Variants in KCNC2 observed in about 807,000 individuals in gnomAD.
KCNC2 encodes potassium voltage-gated channel subfamily C member 2.
KCNC2 carries 21 observed loss-of-function variants against 44.5 expected under a neutral mutation model. The ratio of observed to expected loss-of-function variants is 0.47; its 90% CI spans 0.33 to 0.68. The LOEUF (loss-of-function observed/expected upper bound fraction) is 0.68, where lower values mean the gene tolerates loss of function less well. Among genes scored for constraint, KCNC2 ranks in the 30% least tolerant of loss-of-function variants. The pLI, the probability that KCNC2 is intolerant of heterozygous loss-of-function variation, is 0.01. For missense variants in KCNC2, 589 were observed against 826.2 expected, an observed-to-expected ratio of 0.71 and a Z score of 3.52; for synonymous variants, 391 against 339.1, an observed-to-expected ratio of 1.15 and a Z score of -1.68.
intron 2 of KCNC2, among the ~76,000 whole-genome samples, chr12:75,080,979 A>G (rs1334239779): frequency 6.6e-6 from 1 of 152,114 alleles, no homozygotes; most frequent in South Asian, 2.1e-4. Flanking sequence ...TGGCTTCTTA[A>G]TCTTCTCATC....
chr12:75,060,384 AC>A (rs1882189687), intron 2 of KCNC2, among the ~76,000 whole-genome samples: 2 of 152,078 alleles, frequency 1.3e-5, no homozygotes, highest in Non-Finnish European at 2.9e-5. Flanking sequence ...TTTTAGGGGA[AC>A]AAATGTGATT....
At chr12:75,145,748 T>C (rs1414337046) in intron 2 of KCNC2, among the ~76,000 whole-genome samples, 1 of 152,044 alleles carries the variant, frequency 6.6e-6, no homozygotes, top group Non-Finnish European at 1.5e-5. Context: ...TGTACTAAGA[T>C]TTTTTGGGTA....
chr12:75,086,681 A>AAAAAATATATATATATATAT (rs1206456289), intron 2 of KCNC2, among the ~76,000 whole-genome samples: 3 of 54,206 alleles, frequency 5.5e-5, no homozygotes, highest in Admixed American at 2.1e-4. Context: ...AAAAAAAAAA[A>AAAAAATATATATATATATAT]ATATATATAT....
chr12:75,187,560 G>T (rs1460954045), intron 2 of KCNC2, among the ~76,000 whole-genome samples: 1 of 152,168 alleles, frequency 6.6e-6, no homozygotes, highest in African/African-American at 2.4e-5. Flanking sequence ...GCACTGCTAG[G>T]GAGGAGAATT....
At chr12:75,130,320 T>C (rs774746014) in intron 2 of KCNC2, among the ~76,000 whole-genome samples, 8 of 152,206 alleles carry the variant, frequency 5.3e-5, no homozygotes, top group Non-Finnish European at 1.0e-4. Flanking sequence ...ATTATAACAT[T>C]TATAATGGCA....
intron 2 of KCNC2, among the ~76,000 whole-genome samples, chr12:75,068,472 G>A (rs1481256426): frequency 6.6e-6 from 1 of 152,168 alleles, no homozygotes; most frequent in Non-Finnish European, 1.5e-5. Context: ...AACAGACACT[G>A]TGTGTGGCTA....
chr12:75,166,656 C>A (rs550722074), intron 2 of KCNC2, among the ~76,000 whole-genome samples: 3 of 151,102 alleles, frequency 2.0e-5, no homozygotes, highest in Non-Finnish European at 4.5e-5. Context: ...ACAATAGAGG[C>A]AAATTGGAAG....
At position 75,040,701 on chromosome 12, in the gene KCNC2, T is replaced by C. The variant is rs184982877; in HGVS notation, c.*2404A>G. 1 of 165,062 alleles carries C rather than the reference T, an allele frequency of 6.1e-6. No individual in the cohort carries two copies. The highest frequency in any genetic ancestry group is 1.3e-5 in the Non-Finnish European group (1 of 75,134). 10.2% of individuals were successfully genotyped at this position (165,062 alleles called of 1,614,324 possible). A position where few individuals can be genotyped will look rare whatever the true frequency, so the allele number is the denominator to read the frequency against. The stretch of plus-strand genomic sequence containing the variant: ...ATTGACAAGCTGATTACATCAGTAA[T>C]TTATAAGAAAATTATACAATCAAGT... On this transcript the variant is annotated 3_prime_UTR_variant, in exon 5 of 5. Transcript: ENST00000549446.
intron 3 of KCNC2, among the ~76,000 whole-genome samples, chr12:75,048,678 T>C (rs186675049): frequency 1.2e-3 from 185 of 152,292 alleles, no homozygotes; most frequent in Admixed American, 2.6e-3. Context: ...ATAGGAATAT[T>C]TAAAAATGGA....
chr12:75,144,607 T>C lies in KCNC2; in HGVS notation c.687+62690A>G, dbSNP rs562897148. Among the ~76,000 whole-genome samples the C allele has an allele frequency of 9.6e-5, 14 of 146,364 alleles. No individual in the cohort carries two copies. The South Asian group carries it at 2.2e-3, about 23-fold the overall frequency. On this transcript the variant is annotated intron_variant, in intron 2 of 4. Coordinates refer to ENST00000549446, the MANE Select transcript of KCNC2 (RefSeq NM_139137.4). ...ATATATATATACACATTTTTGTGTA[T>C]GTGGGTGTACTTTTGTGTGTGTGTG...
At chr12:75,064,200 C>A (rs141037796) in intron 2 of KCNC2, among the ~76,000 whole-genome samples, 1 of 152,102 alleles carries the variant, frequency 6.6e-6, no homozygotes, top group Middle Eastern at 3.4e-3. Flanking sequence ...TTTTAAAACA[C>A]TTTTTATTAG....
chr12:75,181,477 CT>C (rs1892567504), intron 2 of KCNC2, among the ~76,000 whole-genome samples: 1 of 152,178 alleles, frequency 6.6e-6, no homozygotes, highest in African/African-American at 2.4e-5. Context: ...CTTCCTCCTA[CT>C]ACTAAGTATA....
At chr12:75,057,172 A>G (rs2136970935) in intron 2 of KCNC2, among the ~76,000 whole-genome samples, 1 of 152,200 alleles carries the variant, frequency 6.6e-6, no homozygotes. Flanking sequence ...TTATTAACCC[A>G]TAGAACTTAT....
chr12:75,175,395 A>G (rs530759507), intron 2 of KCNC2, among the ~76,000 whole-genome samples: 1 of 152,038 alleles, frequency 6.6e-6, no homozygotes, highest in Non-Finnish European at 1.5e-5. Flanking sequence ...TCAAGAAAGT[A>G]GAGATTATAT....
At chr12:75,150,016 A>G (rs1394613193) in intron 2 of KCNC2, among the ~76,000 whole-genome samples, 2 of 151,850 alleles carry the variant, frequency 1.3e-5, no homozygotes, top group African/African-American at 2.4e-5. Flanking sequence ...GGTATTTTGC[A>G]GTAAGCCATC....
At chr12:75,187,621 G>T (rs1306208017) in intron 2 of KCNC2, among the ~76,000 whole-genome samples, 2 of 152,194 alleles carry the variant, frequency 1.3e-5, no homozygotes, top group Middle Eastern at 3.2e-3. Context: ...GTAGGACCCA[G>T]TTAAATGTGG....
chr12:75,145,221 A>G (rs1889934941), intron 2 of KCNC2, among the ~76,000 whole-genome samples: 1 of 152,158 alleles, frequency 6.6e-6, no homozygotes, highest in African/African-American at 2.4e-5. Context: ...TCCAAAAAAA[A>G]AAAGTACCTC....
chr12:75,058,246 A>G (rs956384937), intron 2 of KCNC2, among the ~76,000 whole-genome samples: 1 of 151,900 alleles, frequency 6.6e-6, no homozygotes, highest in Non-Finnish European at 1.5e-5. Context: ...AATAATGATA[A>G]TGGACAATAT....
At chr12:75,123,903 G>C (rs1888215914) in intron 2 of KCNC2, 1 of 152,124 alleles carries the variant, frequency 6.6e-6, no homozygotes, top group East Asian at 1.9e-4. Flanking sequence ...TTGCAACACA[G>C]TGCAGCCATT....
Sources: gnomAD v4.1 joint callset for allele counts (sites outside exome capture counted in the v4.1 genomes callset) on GRCh38, gnomAD v4.1.1 for gene constraint, MANE v1.5 for transcripts, NCBI Gene and HGNC (gene_info 2026-07-23, HGNC 2026-07-21) for gene names.